The following PLXDC2 variants were observed in gnomAD, a reference collection of about 807,000 sequenced individuals.
PLXDC2 encodes plexin domain containing 2.
A neutral mutation model predicts 68.9 loss-of-function variants in PLXDC2; 40 were observed. The observed-to-expected ratio is 0.58, with a 90% CI of 0.45 to 0.76. The LOEUF (loss-of-function observed/expected upper bound fraction) is 0.76, where lower values mean the gene tolerates loss of function less well. Ranked by LOEUF, PLXDC2 falls within the 30% of genes least tolerant of loss-of-function variation. PLXDC2 has a pLI of 0.00. For synonymous variants in PLXDC2, 243 were observed against 234.2 expected (o/e 1.04, Z -0.34); for missense variants, 644 against 661.9 (o/e 0.97, Z 0.30).
intron 1 of PLXDC2, among the ~76,000 whole-genome samples, chr10:19,971,384 G>T (rs11593913): frequency 0.052 from 7,926 of 152,170 alleles, 263 homozygotes; most frequent in Middle Eastern, 0.092. Context: ...AGTTCCTTAT[G>T]AACATGGGTA....
intron 1 of PLXDC2, among the ~76,000 whole-genome samples, chr10:19,829,313 C>A (rs899400522): frequency 6.6e-6 from 1 of 152,028 alleles, no homozygotes; most frequent in Non-Finnish European, 1.5e-5. Flanking sequence ...CTCCCTAGCT[C>A]CAAGCATAGG....
intron 4 of PLXDC2, among the ~76,000 whole-genome samples, chr10:20,102,003 T>C (rs1833429808): frequency 6.6e-6 from 1 of 151,962 alleles, no homozygotes; most frequent in African/African-American, 2.4e-5. Flanking sequence ...GGTTTCACCA[T>C]GTTGGCCAAG....
At chr10:19,822,159 A>G (rs543651879) in intron 1 of PLXDC2, among the ~76,000 whole-genome samples, 1 of 150,172 alleles carries the variant, frequency 6.7e-6, no homozygotes, top group African/African-American at 2.4e-5. Flanking sequence ...TATGCAATAT[A>G]TAATGTATAT....
At chr10:20,153,406 C>T (rs962509543) in intron 6 of PLXDC2, among the ~76,000 whole-genome samples, 7 of 152,158 alleles carry the variant, frequency 4.6e-5, no homozygotes, top group South Asian at 2.1e-4. Context: ...GTTGGGTTTA[C>T]GTCTGCATTT....
intron 1 of PLXDC2, among the ~76,000 whole-genome samples, chr10:19,969,257 A>G (rs776326906): frequency 3.3e-5 from 5 of 152,204 alleles, no homozygotes; most frequent in Non-Finnish European, 7.3e-5. Flanking sequence ...CCATTCATCC[A>G]TAACCGACCC....
intron 1 of PLXDC2, among the ~76,000 whole-genome samples, chr10:19,894,190 C>T (rs1838015474): frequency 6.6e-6 from 1 of 151,950 alleles, no homozygotes; most frequent in African/African-American, 2.4e-5. Context: ...CTGCAGTGTC[C>T]CTGAAGTCTT....
intron 2 of PLXDC2, among the ~76,000 whole-genome samples, chr10:20,021,671 T>TTA (rs1369396618): frequency 1.1e-5 from 1 of 92,600 alleles, no homozygotes; most frequent in Non-Finnish European, 3.3e-5. Context: ...CAGTCACATT[T>TTA]TTTTTTATTA....
intron 1 of PLXDC2, among the ~76,000 whole-genome samples, chr10:19,949,758 C>T (rs1315179826): frequency 6.6e-6 from 1 of 152,060 alleles, no homozygotes; most frequent in Non-Finnish European, 1.5e-5. Flanking sequence ...TTTTCTTGCT[C>T]CAGTTACATG....
At chr10:19,840,456 G>T (rs929787786) in intron 1 of PLXDC2, among the ~76,000 whole-genome samples, 1 of 152,096 alleles carries the variant, frequency 6.6e-6, no homozygotes, top group African/African-American at 2.4e-5. Context: ...AGTTGTGGTG[G>T]CAGGCTCAGC....
At chr10:19,980,973 A>G (rs1834541534) in intron 1 of PLXDC2, among the ~76,000 whole-genome samples, 1 of 152,244 alleles carries the variant, frequency 6.6e-6, no homozygotes, top group South Asian at 2.1e-4. Flanking sequence ...GTTGTCAAGA[A>G]AAATGCCAAA....
At chr10:19,972,625 A>T (rs1402505098) in intron 1 of PLXDC2, among the ~76,000 whole-genome samples, 1 of 152,206 alleles carries the variant, frequency 6.6e-6, no homozygotes, top group Non-Finnish European at 1.5e-5. Flanking sequence ...CTGCACACAC[A>T]TCTCCCACGA....
chr10:20,133,846 G>A (rs532532539), intron 4 of PLXDC2, among the ~76,000 whole-genome samples: 2 of 152,088 alleles, frequency 1.3e-5, no homozygotes, highest in East Asian at 3.9e-4. Flanking sequence ...GAATATATTG[G>A]TTCACTTAAT....
At chr10:20,174,717 C>A (rs533618667) in intron 7 of PLXDC2, among the ~76,000 whole-genome samples, 1 of 152,020 alleles carries the variant, frequency 6.6e-6, no homozygotes, top group Non-Finnish European at 1.5e-5. Context: ...GGGTGCAGCA[C>A]ACCAACATGG....
intron 1 of PLXDC2, among the ~76,000 whole-genome samples, chr10:19,976,144 C>A (rs1834450535): frequency 6.6e-6 from 1 of 152,134 alleles, no homozygotes; most frequent in African/African-American, 2.4e-5. Context: ...AGGCATTGCT[C>A]TTTTGTCTTC....
chr10:20,091,260 C>T (rs1564311986), intron 4 of PLXDC2, among the ~76,000 whole-genome samples: 1 of 152,178 alleles, frequency 6.6e-6, no homozygotes, highest in East Asian at 1.9e-4. Context: ...ACCTTTCCCC[C>T]TGTGAACTGT....
At chr10:20,145,202 G>C (rs1429834407) in intron 5 of PLXDC2, among the ~76,000 whole-genome samples, 1 of 152,154 alleles carries the variant, frequency 6.6e-6, no homozygotes, top group East Asian at 1.9e-4. Flanking sequence ...TTTACCCACT[G>C]AAATATCTTC....
intron 9 of PLXDC2, among the ~76,000 whole-genome samples, chr10:20,185,160 G>GAAAAAAAAAA (rs11307851): frequency 1.8e-5 from 1 of 55,992 alleles, no homozygotes; most frequent in Non-Finnish European, 3.2e-5. Flanking sequence ...GAACTGAAAG[G>GAAAAAAAAAA]AAAAAAAAAA....
At chr10:19,930,671 A>G (rs528202569) in intron 1 of PLXDC2, among the ~76,000 whole-genome samples, 1 of 152,266 alleles carries the variant, frequency 6.6e-6, no homozygotes, top group African/African-American at 2.4e-5. Context: ...TAAATAAAAA[A>G]TAAAAAAAAG....
intron 3 of PLXDC2, among the ~76,000 whole-genome samples, chr10:20,066,705 G>A (rs759395182): frequency 3.9e-5 from 6 of 152,088 alleles, no homozygotes; most frequent in African/African-American, 9.7e-5. Flanking sequence ...ATTGAAAGTC[G>A]CTTTAAATTT....
Sources: allele counts gnomAD v4.1 joint callset (sites outside exome capture counted in the v4.1 genomes callset), GRCh38; gene constraint gnomAD v4.1.1; transcripts MANE v1.5; gene names NCBI Gene and HGNC (gene_info 2026-07-23, HGNC 2026-07-21).